The following PARD3B variants were observed in gnomAD, a reference collection of about 807,000 sequenced individuals.
PARD3B encodes the protein par-3 family cell polarity regulator beta, also known as partitioning defective 3 homolog B.
Under a neutral mutation model 130.2 loss-of-function variants are expected in PARD3B, and 103 were observed. The ratio of observed to expected loss-of-function variants is 0.79; its 90% CI spans 0.67 to 0.93. The LOEUF is 0.93. Among genes scored for constraint, PARD3B ranks in the 40% least tolerant of loss-of-function variants. The pLI, the probability that PARD3B is intolerant of heterozygous loss-of-function variation, is 0.00. For synonymous variants in PARD3B, 583 were observed against 553.2 expected (o/e 1.05, Z -0.76); for missense variants, 1,609 against 1,499.2 (o/e 1.07, Z -1.21).
intron 2 of PARD3B, among the ~76,000 whole-genome samples, chr2:204,761,677 A>G (rs10490273): frequency 0.051 from 7,747 of 151,956 alleles, 315 homozygotes; most frequent in East Asian, 0.16. Context: ...CACAGTTTAG[A>G]TGTATTACAA....
chr2:205,513,342 A>T (rs1227821603), intron 21 of PARD3B, among the ~76,000 whole-genome samples: 1 of 151,106 alleles, frequency 6.6e-6, no homozygotes, highest in East Asian at 1.9e-4. Context: ...CTATGTATGG[A>T]TATATATATA....
At chr2:205,471,043 T>C (rs1226164439) in intron 20 of PARD3B, among the ~76,000 whole-genome samples, 1 of 152,220 alleles carries the variant, frequency 6.6e-6, no homozygotes, top group Non-Finnish European at 1.5e-5. Context: ...ACCTCGTTCA[T>C]ACCCTTTAAT....
Position 205,152,110 on chromosome 2 carries a change from C to T in PARD3B, c.1435-6612C>T, listed in dbSNP as rs192562132. Reference sequence around the variant, plus strand: ...GGGCCTTACTCTCTTCTAGCCTTTACAGTTTCTGCCAAGAGATCAGCTGTT... The same window carrying T: ...GGGCCTTACTCTCTTCTAGCCTTTATAGTTTCTGCCAAGAGATCAGCTGTT... On this transcript the variant is annotated intron_variant, in intron 10 of 22. Transcript: ENST00000406610. Among the ~76,000 whole-genome samples the T allele has an allele frequency of 7.4e-4, 113 of 152,302 alleles. 1 individual carries two copies. Among genetic ancestry groups the T allele is most frequent in the Non-Finnish European group, 1.5e-3 (105 of 68,030 alleles).
chr2:205,099,302 CA>C (rs1702594249), intron 4 of PARD3B, among the ~76,000 whole-genome samples: 1 of 152,126 alleles, frequency 6.6e-6, no homozygotes, highest in Non-Finnish European at 1.5e-5. Context: ...TTTGAAATCA[CA>C]TAATTAATAT....
intron 19 of PARD3B, among the ~76,000 whole-genome samples, chr2:205,430,582 A>T (rs145374024): frequency 6.6e-6 from 1 of 152,190 alleles, no homozygotes. Context: ...GGAAAATCCT[A>T]TTGGAAAGCA....
At position 205,288,788 on chromosome 2, in the gene PARD3B, T is replaced by G. The variant is rs905630968; in HGVS notation, c.2186-11742T>G. On this transcript the variant is annotated intron_variant, in intron 16 of 22. Transcript: ENST00000406610. The surrounding 1 kb of genome is among the most constrained non-coding windows in gnomAD (Gnocchi z 4.0). ...TCCTACTTCTCTTACCTATATATCA[T>G]CCATCTTCAAGGATATGACCCACAT... Among the ~76,000 whole-genome samples, 8 of 152,184 alleles carry G rather than the reference T, an allele frequency of 5.3e-5. No individual in the cohort carries two copies. The highest frequency in any genetic ancestry group is 1.9e-4 in the African/African-American group (8 of 41,432).
chr2:204,750,595 CA>C (rs2040421854), intron 2 of PARD3B, among the ~76,000 whole-genome samples: 5 of 149,550 alleles, frequency 3.3e-5, no homozygotes, highest in Non-Finnish European at 7.5e-5. Flanking sequence ...CAAAAATACA[CA>C]CATACATACA....
At chr2:205,097,681 A>G (rs1403975284) in intron 4 of PARD3B, among the ~76,000 whole-genome samples, 1 of 152,182 alleles carries the variant, frequency 6.6e-6, no homozygotes, top group Admixed American at 6.5e-5. Flanking sequence ...ACTCCAGGTA[A>G]TTCTTCTGAT....
intron 22 of PARD3B, among the ~76,000 whole-genome samples, chr2:205,606,197 C>T (rs1206189770): frequency 6.6e-6 from 1 of 151,986 alleles, no homozygotes; most frequent in Non-Finnish European, 1.5e-5. Flanking sequence ...AAGTGGCCAC[C>T]AAGAATCTAC....
At chr2:205,346,940 ACT>A (rs1290103510) in intron 18 of PARD3B, among the ~76,000 whole-genome samples, 3 of 150,780 alleles carry the variant, frequency 2.0e-5, no homozygotes, top group Non-Finnish European at 4.4e-5. Flanking sequence ...GCCTTCTGTA[ACT>A]CTTGTATATT....
At chr2:204,562,271 GGATGGACCATCA>G (rs1457536713) in intron 1 of PARD3B, among the ~76,000 whole-genome samples, 1 of 152,194 alleles carries the variant, frequency 6.6e-6, no homozygotes, top group Non-Finnish European at 1.5e-5. Context: ...TATGGACACA[GGATGGACCATCA>G]GATCAAGTGA....
At chr2:205,026,656 A>G (rs1224510395) in intron 3 of PARD3B, among the ~76,000 whole-genome samples, 1 of 152,198 alleles carries the variant, frequency 6.6e-6, no homozygotes, top group African/African-American at 2.4e-5. Flanking sequence ...CTGAAGGTTT[A>G]TACCCTTTGA....
intron 2 of PARD3B, among the ~76,000 whole-genome samples, chr2:204,834,665 C>T (rs1395915645): frequency 6.6e-6 from 1 of 152,058 alleles, no homozygotes; most frequent in African/African-American, 2.4e-5. Context: ...AATGGGAGAG[C>T]CATTTTGAGA....
At chr2:205,283,961 T>C (rs989148690) in intron 16 of PARD3B, among the ~76,000 whole-genome samples, 6 of 152,166 alleles carry the variant, frequency 3.9e-5, no homozygotes, top group African/African-American at 1.2e-4. Context: ...TTGGGGAAGT[T>C]ACTCAGATTT....
chr2:205,486,079 T>G (rs2049430497), intron 20 of PARD3B, among the ~76,000 whole-genome samples: 1 of 152,240 alleles, frequency 6.6e-6, no homozygotes, highest in Admixed American at 6.5e-5. Flanking sequence ...TAAGTAAAGC[T>G]TAAATAAATG....
chr2:204,566,857 T>G (rs1254874670), intron 1 of PARD3B, among the ~76,000 whole-genome samples: 3 of 151,854 alleles, frequency 2.0e-5, no homozygotes, highest in Non-Finnish European at 4.4e-5. Flanking sequence ...TACCTGTGGG[T>G]AGGAAAGCAG....
chr2:205,534,210 A>C (rs2051736041), intron 21 of PARD3B, among the ~76,000 whole-genome samples: 1 of 152,206 alleles, frequency 6.6e-6, no homozygotes, highest in African/African-American at 2.4e-5. Flanking sequence ...GTTCTCATAG[A>C]GTTTATGTTT....
intron 2 of PARD3B, among the ~76,000 whole-genome samples, chr2:204,792,003 A>G (rs1336588997): frequency 1.3e-5 from 2 of 152,130 alleles, no homozygotes. Flanking sequence ...ATTTATTTTT[A>G]TCACATTTAC....
chr2:205,565,571 T>C (rs970797784), intron 22 of PARD3B, among the ~76,000 whole-genome samples: 2 of 152,202 alleles, frequency 1.3e-5, no homozygotes, highest in African/African-American at 4.8e-5. Context: ...AAGTCACTTA[T>C]GTTACCATCT....
Sources: gnomAD v4.1 joint callset for allele counts (sites outside exome capture counted in the v4.1 genomes callset) on GRCh38, gnomAD v4.1.1 for gene constraint, Gnocchi (gnomAD v3.1) non-coding constraint, MANE v1.5 for transcripts, NCBI Gene and HGNC (gene_info 2026-07-23, HGNC 2026-07-21) for gene names.